The following OR2C1 variants were observed in gnomAD, a reference collection of about 807,000 sequenced individuals.
OR2C1 encodes the protein olfactory receptor 2C1.
For synonymous variants in OR2C1, 209 were observed against 167.3 expected (o/e 1.25, Z -1.92); for missense variants, 468 against 388.3 (o/e 1.21, Z -1.73).
chr16:3,343,113 C>T, the OR2C1 span, among the ~76,000 whole-genome samples: 1 of 152,112 alleles, frequency 6.6e-6, no homozygotes, highest in South Asian at 2.1e-4. Context: ...AAAGGGCAAA[C>T]TGAGTGGTCT....
the OR2C1 span, among the ~76,000 whole-genome samples, chr16:3,341,655 G>C: frequency 6.6e-6 from 1 of 152,194 alleles, no homozygotes; most frequent in East Asian, 1.9e-4. Flanking sequence ...GAAGGATACA[G>C]ATGATAGCCA....
chr16:3,357,906 G>T (rs534050651), downstream of OR2C1, among the ~76,000 whole-genome samples: 1 of 151,886 alleles, frequency 6.6e-6, no homozygotes, highest in Non-Finnish European at 1.5e-5. Context: ...GCTTGAACTC[G>T]GGAGGCAGAG....
chr16:3,338,538 C>CTTTTTT, the OR2C1 span, among the ~76,000 whole-genome samples: 2 of 103,288 alleles, frequency 1.9e-5, no homozygotes, highest in African/African-American at 3.9e-5. Context: ...GTATAGGTAC[C>CTTTTTT]TTTTTTTTTT....
chr16:3,355,467 A>AAAAAAAAAAAAAAAAAAAAAG (rs1382716732), upstream of OR2C1, among the ~76,000 whole-genome samples: 1 of 142,856 alleles, frequency 7.0e-6, no homozygotes, highest in Non-Finnish European at 1.5e-5. Context: ...CAAAAAAAAA[A>AAAAAAAAAAAAAAAAAAAAAG]AAAAAGCTTG....
the OR2C1 span, among the ~76,000 whole-genome samples, chr16:3,335,404 G>C: frequency 6.6e-6 from 1 of 151,522 alleles, no homozygotes; most frequent in Admixed American, 6.6e-5. Flanking sequence ...TACTTGTTTG[G>C]TTAAATTGAT....
the OR2C1 span, among the ~76,000 whole-genome samples, chr16:3,325,460 A>AATATATATATATAT: frequency 2.1e-5 from 2 of 93,176 alleles, no homozygotes; most frequent in South Asian, 3.0e-4. Flanking sequence ...TATGTCTAAA[A>AATATATATATATAT]ATATATATAT....
At chr16:3,346,622 A>AT in the OR2C1 span, among the ~76,000 whole-genome samples, 24 of 72,494 alleles carry the variant, frequency 3.3e-4, no homozygotes, top group African/African-American at 1.1e-3. Context: ...ATGTCCATGC[A>AT]TCTTTTTTTT....
chr16:3,349,317 T>G, the OR2C1 span, among the ~76,000 whole-genome samples: 4 of 152,182 alleles, frequency 2.6e-5, no homozygotes, highest in South Asian at 8.3e-4. Flanking sequence ...TTTCCTGTGT[T>G]CCGGCCACAC....
upstream of OR2C1, among the ~76,000 whole-genome samples, chr16:3,354,414 C>T (rs2030626844): frequency 6.6e-6 from 1 of 152,178 alleles, no homozygotes; most frequent in South Asian, 2.1e-4. Flanking sequence ...ACTATTTTAA[C>T]CCCTTTTTGT....
Position 3,356,384 on chromosome 16 carries a change from C to T in OR2C1, c.444C>T (p.Ala148=). The T allele has an allele frequency of 6.2e-7, 1 of 1,613,872 alleles. No individual in the cohort carries two copies. Among genetic ancestry groups the T allele is most frequent in the Non-Finnish European group, 8.5e-7 (1 of 1,180,030 alleles). Residue 148 remains alanine (A), a synonymous_variant, in exon 1 of 1, where the codon GCC becomes GCT. Transcript: ENST00000304936. ...TCTGCTGGCTGCTGGCTGTGATTGCCTGCCTGGGTGGCTTGGGCAACTCTG... is the reference window on the plus strand; with the variant it reads ...TCTGCTGGCTGCTGGCTGTGATTGCTTGCCTGGGTGGCTTGGGCAACTCTG... ...PQLCWLLAVI[A]CLGGLGNSVI... is the part of the protein sequence containing the mutation.
the OR2C1 span, among the ~76,000 whole-genome samples, chr16:3,330,275 T>A: frequency 1.3e-5 from 2 of 151,740 alleles, no homozygotes; most frequent in Admixed American, 6.6e-5. Flanking sequence ...CCCAGCTAAT[T>A]TTTTGTATTT....
chr16:3,331,342 G>T, the OR2C1 span, among the ~76,000 whole-genome samples: 4 of 151,456 alleles, frequency 2.6e-5, no homozygotes, highest in African/African-American at 9.7e-5. Context: ...TAGGTTGCCT[G>T]TTCACTCTGA....
At chr16:3,351,220 C>CTTTT (rs779814781), upstream of OR2C1, among the ~76,000 whole-genome samples, 32 of 18,636 alleles carry the variant, frequency 1.7e-3, no homozygotes, top group African/African-American at 6.5e-3. Context: ...TTTTCTTTTT[C>CTTTT]TTTTTCTTTT....
At chr16:3,323,121 CAAA>C in the OR2C1 span, 6,401 of 529,774 alleles carry the variant, frequency 0.012, 353 homozygotes, top group African/African-American at 0.11. Context: ...AAAAAAATCT[CAAA>C]AAAACAAAAA....
chr16:3,352,440 A>T (rs1409324160), upstream of OR2C1, among the ~76,000 whole-genome samples: 4 of 152,248 alleles, frequency 2.6e-5, no homozygotes, highest in East Asian at 7.7e-4. Context: ...TAAACTTATG[A>T]TGTTTTAATG....
At chr16:3,335,277 C>G in the OR2C1 span, among the ~76,000 whole-genome samples, 1 of 152,090 alleles carries the variant, frequency 6.6e-6, no homozygotes, top group Non-Finnish European at 1.5e-5. Context: ...GTAGTATTGT[C>G]ATTTTAACAA....
At chr16:3,342,524 T>C in the OR2C1 span, among the ~76,000 whole-genome samples, 7 of 152,022 alleles carry the variant, frequency 4.6e-5, no homozygotes, top group East Asian at 3.9e-4. Flanking sequence ...TCGAGACCAG[T>C]CAGGCCAACA....
At chr16:3,338,437 G>C in the OR2C1 span, among the ~76,000 whole-genome samples, 1 of 151,656 alleles carries the variant, frequency 6.6e-6, no homozygotes, top group Non-Finnish European at 1.5e-5. Flanking sequence ...CCATGTGCTT[G>C]GTGCTGGGCA....
At chr16:3,347,636 A>T in the OR2C1 span, among the ~76,000 whole-genome samples, 1 of 152,146 alleles carries the variant, frequency 6.6e-6, no homozygotes, top group Non-Finnish European at 1.5e-5. Flanking sequence ...TTTTTCTCAG[A>T]AAATGAGATC....
Sources: gnomAD v4.1 joint callset for allele counts (sites outside exome capture counted in the v4.1 genomes callset) on GRCh38, gnomAD v4.1.1 for gene constraint, MANE v1.5 for transcripts, NCBI Gene and HGNC (gene_info 2026-07-23, HGNC 2026-07-21) for gene names.